GSE1: variants seen among roughly 807,000 people sequenced by gnomAD.
GSE1 encodes the protein Gse1 coiled-coil protein, also known as genetic suppressor element 1.
In GSE1, 32 loss-of-function variants were observed where a neutral mutation model predicts 112.6. The ratio of observed to expected loss-of-function variants is 0.28; its 90% CI spans 0.21 to 0.38. The LOEUF (loss-of-function observed/expected upper bound fraction) is 0.38, where lower values mean the gene tolerates loss of function less well. Among genes scored for constraint, GSE1 ranks in the 10% least tolerant of loss-of-function variants. GSE1 has a pLI of 1.00. For missense variants in GSE1, 2,348 were observed against 1,699.2 expected (o/e 1.38, Z -6.71); for synonymous variants, 1,115 against 735.6 (o/e 1.52, Z -8.35).
chr16:85,188,678 A>G lies in GSE1; in HGVS notation c.2283+16871A>G, dbSNP rs146209409. On this transcript the variant is annotated intron_variant, in intron 1 of 2. Transcript: ENST00000637419. ...TTAGCCAGACGTGGTGGCATGCCCT[A>G]TAGTTCCAGATACGGGGGAGGCTGA... 1.4e-3 allele frequency among the ~76,000 whole-genome samples: 211 copies of G among 152,012 alleles called. 1 individual carries two copies. Among genetic ancestry groups the G allele is most frequent in the African/African-American group, 4.7e-3 (195 of 41,472 alleles).
chr16:85,630,580 T>TA (rs1186322997), intron 1 of GSE1, among the ~76,000 whole-genome samples: 1 of 152,196 alleles, frequency 6.6e-6, no homozygotes, highest in African/African-American at 2.4e-5. Flanking sequence ...CCCTCCTACT[T>TA]ACCTGGGATT....
intron 2 of GSE1, among the ~76,000 whole-genome samples, chr16:85,528,142 G>A (rs947049256): frequency 2.1e-4 from 32 of 152,246 alleles, no homozygotes; most frequent in African/African-American, 7.2e-4. Flanking sequence ...GTGTGTGGGC[G>A]TGAGCTGGAC....
chr16:85,408,548 A>T (rs1416284432), intron 2 of GSE1, among the ~76,000 whole-genome samples: 1 of 30,754 alleles, frequency 3.3e-5, no homozygotes, highest in African/African-American at 1.5e-4. Flanking sequence ...TGTTACACTC[A>T]GGGCCCCCCG....
intron 1 of GSE1, among the ~76,000 whole-genome samples, chr16:85,228,547 T>C (rs1360402720): frequency 6.6e-6 from 1 of 152,204 alleles, no homozygotes; most frequent in Admixed American, 6.5e-5. Flanking sequence ...AAAATGGGAA[T>C]AATAATATCG....
At chr16:85,486,860 C>T (rs946114399) in intron 2 of GSE1, among the ~76,000 whole-genome samples, 13 of 152,184 alleles carry the variant, frequency 8.5e-5, no homozygotes, top group African/African-American at 3.1e-4. Flanking sequence ...GTGCTCAGTG[C>T]GCATTTCTTG....
intron 1 of GSE1, among the ~76,000 whole-genome samples, chr16:85,238,360 A>C (rs868491674): frequency 1.3e-5 from 2 of 152,128 alleles, no homozygotes; most frequent in African/African-American, 4.8e-5. Flanking sequence ...CAGCCATCCA[A>C]GGGGGGCGGT....
chr16:85,472,074 T>G (rs2050312227), intron 2 of GSE1, among the ~76,000 whole-genome samples: 1 of 152,200 alleles, frequency 6.6e-6, no homozygotes, highest in Admixed American at 6.5e-5. Context: ...TAATACTGGT[T>G]GTCCCAGTGT....
chr16:85,213,149 G>A (rs1481532550), intron 1 of GSE1, among the ~76,000 whole-genome samples: 3 of 151,850 alleles, frequency 2.0e-5, no homozygotes, highest in South Asian at 4.2e-4. Flanking sequence ...CATGCCTGTA[G>A]TCCCAGCTAT....
At chr16:85,265,604 T>C (rs1908154971) in intron 1 of GSE1, among the ~76,000 whole-genome samples, 2 of 152,136 alleles carry the variant, frequency 1.3e-5, no homozygotes, top group Admixed American at 1.3e-4. Flanking sequence ...CTTCCCTGAT[T>C]GCCTCCAAAT....
chr16:85,603,287 A>T (rs916237161), intron 1 of GSE1, among the ~76,000 whole-genome samples: 10 of 152,020 alleles, frequency 6.6e-5, no homozygotes, highest in Non-Finnish European at 1.3e-4. Context: ...AGGGGGAGAG[A>T]CGCCGAGTGG....
chr16:85,438,298 G>A (rs540562789), intron 2 of GSE1, among the ~76,000 whole-genome samples: 1 of 152,352 alleles, frequency 6.6e-6, no homozygotes, highest in East Asian at 1.9e-4. Flanking sequence ...AGGCCATGCG[G>A]TGGTGTCTTT....
intron 1 of GSE1, among the ~76,000 whole-genome samples, chr16:85,221,309 C>T (rs1354174866): frequency 1.5e-5 from 2 of 135,840 alleles, no homozygotes; most frequent in African/African-American, 5.5e-5. Context: ...ACTTCCCTAG[C>T]GCGCACACAC....
intron 2 of GSE1, among the ~76,000 whole-genome samples, chr16:85,411,184 G>A (rs867148252): frequency 1.0e-3 from 89 of 86,626 alleles, no homozygotes; most frequent in African/African-American, 5.0e-3. Context: ...CAGGCCCCCC[G>A]GATAATCCTC....
chr16:85,627,040 T>G (rs1416534583), intron 1 of GSE1, among the ~76,000 whole-genome samples: 22 of 134,024 alleles, frequency 1.6e-4, no homozygotes, highest in Non-Finnish European at 3.4e-4. Flanking sequence ...CCTTTTCTTC[T>G]TGCCTTTTTT....
At chr16:85,249,878 A>C (rs1374482131) in intron 1 of GSE1, among the ~76,000 whole-genome samples, 3 of 152,242 alleles carry the variant, frequency 2.0e-5, no homozygotes, top group Non-Finnish European at 4.4e-5. Flanking sequence ...CCATGAGGGC[A>C]GCAATGTCAC....
At chr16:85,292,453 C>T (rs775940492) in intron 1 of GSE1, among the ~76,000 whole-genome samples, 5 of 152,076 alleles carry the variant, frequency 3.3e-5, no homozygotes, top group Non-Finnish European at 5.9e-5. Flanking sequence ...CTCAGCCTCC[C>T]GAGTAGCTGG....
intron 2 of GSE1, among the ~76,000 whole-genome samples, chr16:85,646,766 G>A (rs12600148): frequency 0.2 from 29,886 of 152,112 alleles, 3,594 homozygotes; most frequent in Middle Eastern, 0.29. Context: ...GGCTTCGTCA[G>A]GCTGGGCAGG....
chr16:85,398,862 G>GC, intron 2 of GSE1, among the ~76,000 whole-genome samples: 1 of 152,240 alleles, frequency 6.6e-6, no homozygotes, highest in African/African-American at 2.4e-5. Context: ...CATGTATAAT[G>GC]CATGTCGAGT....
chr16:85,356,779 A>C (rs2046959009), intron 1 of GSE1, among the ~76,000 whole-genome samples: 1 of 152,184 alleles, frequency 6.6e-6, no homozygotes, highest in South Asian at 2.1e-4. Flanking sequence ...GGCGGGAGCC[A>C]CCGCGCCTGG....
Sources: gnomAD v4.1 joint callset for allele counts (sites outside exome capture counted in the v4.1 genomes callset) on GRCh38, gnomAD v4.1.1 for gene constraint, MANE v1.5 for transcripts, NCBI Gene and HGNC (gene_info 2026-07-23, HGNC 2026-07-21) for gene names.